RGS7: variants seen among roughly 807,000 people sequenced by gnomAD.
RGS7 encodes regulator of G-protein signaling 7.
RGS7 carries 27 observed loss-of-function variants against 81.1 expected under a neutral mutation model. The observed-to-expected ratio is 0.33, with a 90% CI of 0.25 to 0.46. RGS7 has a LOEUF of 0.46. Ranked by LOEUF, RGS7 falls within the 20% of genes least tolerant of loss-of-function variation. RGS7 has a pLI of 1.00. For synonymous variants in RGS7, 208 were observed against 207.7 expected, an observed-to-expected ratio of 1.00 and a Z score of -0.01; for missense variants, 396 against 607.4, an observed-to-expected ratio of 0.65 and a Z score of 3.66.
intron 3 of RGS7, among the ~76,000 whole-genome samples, chr1:241,026,164 T>A (rs1558614908): frequency 1.3e-5 from 2 of 152,258 alleles, no homozygotes; most frequent in Non-Finnish European, 2.9e-5. Context: ...TACACATTTT[T>A]CTTATTATAT....
At chr1:240,980,463 A>C (rs191614331) in intron 4 of RGS7, among the ~76,000 whole-genome samples, 162 of 152,312 alleles carry the variant, frequency 1.1e-3, no homozygotes, top group Middle Eastern at 3.4e-3. Flanking sequence ...CAGAGAGCAC[A>C]CAAGACAGAA....
At chr1:241,244,854 G>A (rs1165440974) in intron 2 of RGS7, among the ~76,000 whole-genome samples, 1 of 150,930 alleles carries the variant, frequency 6.6e-6, no homozygotes, top group Non-Finnish European at 1.5e-5. Context: ...ACTATCGCAA[G>A]GACAAAAAAA....
chr1:241,310,244 A>C (rs1278405549), intron 2 of RGS7, among the ~76,000 whole-genome samples: 1 of 152,198 alleles, frequency 6.6e-6, no homozygotes, highest in African/African-American at 2.4e-5. Flanking sequence ...AAAGTCAAGA[A>C]CTTGAGAAAT....
intron 2 of RGS7, among the ~76,000 whole-genome samples, chr1:241,298,745 T>A (rs1398482421): frequency 1.3e-5 from 2 of 152,194 alleles, no homozygotes; most frequent in African/African-American, 4.8e-5. Flanking sequence ...AAGCATTAAG[T>A]AAACACTTGA....
chr1:240,905,591 G>A (rs1388672320), intron 6 of RGS7, among the ~76,000 whole-genome samples: 1 of 152,206 alleles, frequency 6.6e-6, no homozygotes, highest in Non-Finnish European at 1.5e-5. Flanking sequence ...AGCCCAGTTA[G>A]TCTGATTCCA....
intron 2 of RGS7, among the ~76,000 whole-genome samples, chr1:241,099,699 A>G (rs1191753969): frequency 6.6e-6 from 1 of 152,212 alleles, no homozygotes; most frequent in African/African-American, 2.4e-5. Context: ...AACATACCCA[A>G]GTGGTAGTAT....
intron 2 of RGS7, among the ~76,000 whole-genome samples, chr1:241,276,590 G>A (rs909086341): frequency 6.6e-6 from 1 of 152,186 alleles, no homozygotes; most frequent in Non-Finnish European, 1.5e-5. Flanking sequence ...ATGAATCACT[G>A]CAAGCATCCT....
intron 2 of RGS7, among the ~76,000 whole-genome samples, chr1:241,109,889 C>T (rs990686986): frequency 6.6e-6 from 1 of 151,960 alleles, no homozygotes; most frequent in Non-Finnish European, 1.5e-5. Flanking sequence ...ACCCAGGAGG[C>T]AGAGGTTGCA....
chr1:241,346,638 G>A (rs534078001), intron 2 of RGS7, among the ~76,000 whole-genome samples: 1 of 152,320 alleles, frequency 6.6e-6, no homozygotes, highest in Non-Finnish European at 1.5e-5. Flanking sequence ...CACAGAGCTC[G>A]ACAGTTCTGC....
chr1:240,972,655 C>A (rs1196389792), intron 4 of RGS7, among the ~76,000 whole-genome samples: 1 of 141,890 alleles, frequency 7.0e-6, no homozygotes, highest in Non-Finnish European at 1.5e-5. Flanking sequence ...ATGTAACTAA[C>A]CTGCACAATG....
chr1:241,065,174 G>C (rs867252795), intron 3 of RGS7, among the ~76,000 whole-genome samples: 3 of 149,722 alleles, frequency 2.0e-5, no homozygotes, highest in African/African-American at 7.3e-5. Flanking sequence ...AAAAAATAAT[G>C]ATAAGATAAT....
At chr1:241,292,033 G>A (rs982987862) in intron 2 of RGS7, among the ~76,000 whole-genome samples, 22 of 151,900 alleles carry the variant, frequency 1.4e-4, no homozygotes, top group African/African-American at 5.3e-4. Context: ...CCTTAGCCTC[G>A]GCCTACACAG....
intron 2 of RGS7, among the ~76,000 whole-genome samples, chr1:241,216,549 A>G (rs2074570079): frequency 6.6e-6 from 1 of 152,164 alleles, no homozygotes; most frequent in African/African-American, 2.4e-5. Flanking sequence ...CTCTTCTAAG[A>G]AAATATATGG....
At chr1:241,298,784 G>A (rs1334049613) in intron 2 of RGS7, among the ~76,000 whole-genome samples, 1 of 152,026 alleles carries the variant, frequency 6.6e-6, no homozygotes, top group African/African-American at 2.4e-5. Flanking sequence ...GATCCATGCT[G>A]GCCATTAATC....
intron 18 of RGS7, among the ~76,000 whole-genome samples, chr1:240,799,032 T>A (rs1687554947): frequency 1.3e-5 from 2 of 152,276 alleles, no homozygotes; most frequent in Non-Finnish European, 2.9e-5. Context: ...TAAAATTTAG[T>A]ATGTAAAGAT....
chr1:241,340,723 C>G (rs1268606714), intron 2 of RGS7, among the ~76,000 whole-genome samples: 7 of 150,818 alleles, frequency 4.6e-5, no homozygotes, highest in Non-Finnish European at 1.0e-4. Flanking sequence ...GAGAAACATT[C>G]AAATGGAAAG....
chr1:240,866,689 G>A (rs959180897), intron 9 of RGS7, among the ~76,000 whole-genome samples: 1 of 152,032 alleles, frequency 6.6e-6, no homozygotes, highest in African/African-American at 2.4e-5. Context: ...AAAGACTAGC[G>A]CCCGACTTGC....
intron 9 of RGS7, among the ~76,000 whole-genome samples, chr1:240,844,771 T>C (rs1280046800): frequency 6.6e-6 from 1 of 152,234 alleles, no homozygotes; most frequent in Non-Finnish European, 1.5e-5. Context: ...TGTTCCATTT[T>C]CAGAGCACAA....
intron 18 of RGS7, among the ~76,000 whole-genome samples, chr1:240,793,612 T>TATATATA (rs11270798): frequency 2.1e-4 from 6 of 28,588 alleles, no homozygotes; most frequent in African/African-American, 1.1e-3. Context: ...TATATATATA[T>TATATATA]TTTTTTTTTT....
Sources: gnomAD v4.1 joint callset for allele counts (sites outside exome capture counted in the v4.1 genomes callset) on GRCh38, gnomAD v4.1.1 for gene constraint, MANE v1.5 for transcripts, NCBI Gene and HGNC (gene_info 2026-07-23, HGNC 2026-07-21) for gene names.